The following TMEM244 variants were observed in gnomAD, a reference collection of about 807,000 sequenced individuals.
The protein encoded by TMEM244 is putative transmembrane protein 244.
TMEM244 carries 13 observed loss-of-function variants against 15.8 expected under a neutral mutation model. The observed-to-expected ratio is 0.82, with a 90% CI of 0.53 to 1.30. TMEM244 has a LOEUF of 1.30. Among genes scored for constraint, TMEM244 ranks in the 50% most tolerant of loss-of-function variants. The probability of loss-of-function intolerance (pLI) is 0.00; values close to 1 mark genes in which losing one functional copy is unlikely to be tolerated. For missense variants in TMEM244, 161 were observed against 144.9 expected, an observed-to-expected ratio of 1.11 and a Z score of -0.57; for synonymous variants, 45 against 48.7, an observed-to-expected ratio of 0.92 and a Z score of 0.32.
In TMEM244 at chr6:129,831,342, C is replaced by A. The variant is rs747296594; in HGVS notation, c.364G>T (p.Gly122Cys). Residue 122 changes from glycine to cysteine, a missense_variant, in exon 5 of 5, where the codon GGT becomes TGT. Gly to Cys is a radical substitution (Grantham distance 159). Coordinates refer to ENST00000368143, the MANE Select transcript of TMEM244 (RefSeq NM_001010876.2). ...ATCTAAACAAGCAATTTTGATATAC[C>A]TAAAGCAGCCCACCAATGTGATGTC... is the stretch of plus-strand genomic sequence containing the variant. ...PLTSHWWAALGISKLLV is the reference protein window; with the variant it reads ...PLTSHWWAALCISKLLV 1 of 1,573,146 alleles carries A rather than the reference C, an allele frequency of 6.4e-7. No homozygotes were observed. The highest frequency in any genetic ancestry group is 8.8e-7 in the Non-Finnish European group (1 of 1,142,062).
At chr6:129,855,364 C>T (rs1776691479) in intron 1 of TMEM244, among the ~76,000 whole-genome samples, 1 of 152,110 alleles carries the variant, frequency 6.6e-6, no homozygotes, top group African/African-American at 2.4e-5. Flanking sequence ...GGTATAGTGT[C>T]AAGCTAATGT....
chr6:129,856,711 T>C (rs376844395), intron 1 of TMEM244, among the ~76,000 whole-genome samples: 2 of 152,124 alleles, frequency 1.3e-5, no homozygotes, highest in South Asian at 2.1e-4. Flanking sequence ...TTTCTTTTCT[T>C]TAAGGTTCTC....
At chr6:129,835,084 G>A (rs1193449005) in intron 3 of TMEM244, among the ~76,000 whole-genome samples, 1 of 152,108 alleles carries the variant, frequency 6.6e-6, no homozygotes, top group East Asian at 1.9e-4. Flanking sequence ...TTCTAGTCTC[G>A]CTTTTACAGC....
chr6:129,833,480 T>C lies in TMEM244; in HGVS notation c.299A>G (p.His100Arg), dbSNP rs1562194852. 2 of 1,612,270 alleles carry C rather than the reference T, an allele frequency of 1.2e-6. No homozygotes were observed. The highest frequency in any genetic ancestry group is 3.3e-5 in the Admixed American group (2 of 59,740). ...CTTACCAGTTGAAGTGATGGCAACA[T>C]GAAGAATAGTGACTGAAATAGCATA... ...WDYAISVTIL[H>R]VAITSTVMLE... Residue 100 changes from histidine (H) to arginine (R), a missense_variant, in exon 4 of 5, where the codon CAT (histidine) becomes CGT (arginine). Coordinates refer to ENST00000368143, the MANE Select transcript of TMEM244 (RefSeq NM_001010876.2).
intron 3 of TMEM244, among the ~76,000 whole-genome samples, chr6:129,836,094 G>C (rs1776401295): frequency 6.6e-6 from 1 of 152,186 alleles, no homozygotes; most frequent in Admixed American, 6.5e-5. Context: ...TCCGAGAACA[G>C]ACAGACTGCC....
rs1404374048 is a variant in TMEM244 at position 129,833,603 on chromosome 6, A to T, written c.194-18T>A. On this transcript the variant is annotated intron_variant, in intron 3 of 4. Coordinates refer to ENST00000368143, the MANE Select transcript of TMEM244 (RefSeq NM_001010876.2). ...TAAAAGAACTGCAAATACAAGGAAG[A>T]ATATAATTATTGAGGACTAGAGCAA... 3.7e-6 allele frequency: 6 copies of T among 1,608,140 alleles called. No individual in the cohort carries two copies. The African/African-American group carries it at 4.0e-5, about 11-fold the overall frequency.
At chr6:129,853,231 TC>T (rs1776658863) in intron 1 of TMEM244, among the ~76,000 whole-genome samples, 1 of 152,132 alleles carries the variant, frequency 6.6e-6, no homozygotes, top group Non-Finnish European at 1.5e-5. Flanking sequence ...CTTAAGTACT[TC>T]CTATTTCTGG....
chr6:129,860,640 A>G (rs545400194), intron 1 of TMEM244, among the ~76,000 whole-genome samples: 1 of 152,060 alleles, frequency 6.6e-6, no homozygotes, highest in East Asian at 1.9e-4. Flanking sequence ...CTTGTTTTCG[A>G]TTGTTTGATT....
At chr6:129,834,527 T>C (rs921077668) in intron 3 of TMEM244, among the ~76,000 whole-genome samples, 1 of 152,192 alleles carries the variant, frequency 6.6e-6, no homozygotes, top group African/African-American at 2.4e-5. Flanking sequence ...AATCACCTTA[T>C]GTCCTACTGT....
intron 3 of TMEM244, among the ~76,000 whole-genome samples, chr6:129,840,601 C>T (rs916174550): frequency 6.6e-6 from 1 of 152,166 alleles, no homozygotes; most frequent in Non-Finnish European, 1.5e-5. Context: ...AACTAAAGAG[C>T]TTCTGCACAG....
Position 129,856,342 on chromosome 6 carries a change from T to C in TMEM244, c.33+4814A>G, listed in dbSNP as rs534751870. Among the ~76,000 whole-genome samples, 19 of 152,292 alleles carry C rather than the reference T, an allele frequency of 1.2e-4. No homozygotes were observed. The South Asian group carries it at 3.5e-3, about 28-fold the overall frequency. ...TTTGTGAGCTTTCTATTTGCTTCCA[T>C]TGAGCTATCTACTCATGAATCAATA... On this transcript the variant is annotated intron_variant, in intron 1 of 4. Transcript: ENST00000368143.
At chr6:129,847,020 C>T (rs1776569930) in intron 1 of TMEM244, among the ~76,000 whole-genome samples, 1 of 151,996 alleles carries the variant, frequency 6.6e-6, no homozygotes, top group Non-Finnish European at 1.5e-5. Context: ...GGCTTAAATG[C>T]CATGGAATAG....
At chr6:129,854,686 A>T (rs1776681470) in intron 1 of TMEM244, among the ~76,000 whole-genome samples, 2 of 152,160 alleles carry the variant, frequency 1.3e-5, no homozygotes, top group South Asian at 4.1e-4. Flanking sequence ...AATGTATTGA[A>T]TCCTGGTCAG....
intron 3 of TMEM244, among the ~76,000 whole-genome samples, chr6:129,837,338 A>C (rs558442485): frequency 5.9e-5 from 9 of 152,252 alleles, no homozygotes; most frequent in Admixed American, 5.9e-4. Context: ...TTCATAAGTG[A>C]AGGAGAATTA....
chr6:129,838,298 A>G (rs1351407198), intron 3 of TMEM244, among the ~76,000 whole-genome samples: 1 of 152,206 alleles, frequency 6.6e-6, no homozygotes, highest in Non-Finnish European at 1.5e-5. Flanking sequence ...AAACCTCACA[A>G]CTACATGGAA....
chr6:129,859,829 C>G (rs1345131304), intron 1 of TMEM244, among the ~76,000 whole-genome samples: 1 of 152,126 alleles, frequency 6.6e-6, no homozygotes, highest in East Asian at 1.9e-4. Flanking sequence ...CGAGTTATCT[C>G]TAGATGAAGG....
chr6:129,831,424 G>T (rs377262675), intron 4 of TMEM244, 38 bp from the exon 5 acceptor site: 27 of 1,387,520 alleles, frequency 1.9e-5, no homozygotes, highest in Non-Finnish European at 2.8e-5. Flanking sequence ...CAAAACATGC[G>T]TTTTTATATT....
At chr6:129,832,477 C>T (rs1271154689) in intron 4 of TMEM244, among the ~76,000 whole-genome samples, 1 of 151,990 alleles carries the variant, frequency 6.6e-6, no homozygotes, top group East Asian at 1.9e-4. Context: ...TAATAATAAA[C>T]TTTGAATTAT....
At chr6:129,844,892 A>G (rs1241795102) in intron 2 of TMEM244, among the ~76,000 whole-genome samples, 1 of 152,226 alleles carries the variant, frequency 6.6e-6, no homozygotes, top group Non-Finnish European at 1.5e-5. Flanking sequence ...TTGAAATAGA[A>G]TTCCTTGCTT....
Sources: allele counts gnomAD v4.1 joint callset (sites outside exome capture counted in the v4.1 genomes callset), GRCh38; gene constraint gnomAD v4.1.1; transcripts MANE v1.5; gene names NCBI Gene and HGNC (gene_info 2026-07-23, HGNC 2026-07-21).